PTPRD: variants seen among roughly 807,000 people sequenced by gnomAD.
PTPRD encodes protein tyrosine phosphatase receptor type D, also known as receptor-type tyrosine-protein phosphatase delta.
Under a neutral mutation model 214.5 loss-of-function variants are expected in PTPRD, and 34 were observed. The observed-to-expected ratio is 0.16, with a 90% CI of 0.12 to 0.21. The LOEUF (loss-of-function observed/expected upper bound fraction) is 0.21. Ranked by LOEUF, PTPRD falls within the 10% of genes least tolerant of loss-of-function variation. The probability of loss-of-function intolerance (pLI) is 1.00; values close to 1 mark genes in which losing one functional copy is unlikely to be tolerated. For missense variants in PTPRD, 2,545 were observed against 2,398.7 expected (o/e 1.06, Z -1.27); for synonymous variants, 1,128 against 845.7 (o/e 1.33, Z -5.79).
At chr9:9,710,599 A>T (rs2097707350) in intron 7 of PTPRD, among the ~76,000 whole-genome samples, 1 of 150,602 alleles carries the variant, frequency 6.6e-6, no homozygotes, top group Non-Finnish European at 1.5e-5. Flanking sequence ...AATATCATCT[A>T]TTCTGTTTTT....
At chr9:9,658,497 T>C (rs1006806374) in intron 7 of PTPRD, among the ~76,000 whole-genome samples, 1 of 152,156 alleles carries the variant, frequency 6.6e-6, no homozygotes, top group Admixed American at 6.5e-5. Context: ...GAATGACATG[T>C]AGTAGGAGTT....
At chr9:10,149,666 T>C (rs550228699) in intron 3 of PTPRD, among the ~76,000 whole-genome samples, 12 of 152,286 alleles carry the variant, frequency 7.9e-5, no homozygotes, top group South Asian at 4.1e-4. Context: ...CAGCTCATTA[T>C]TGATTATCTA....
chr9:9,028,584 C>T (rs1397919448), intron 10 of PTPRD, among the ~76,000 whole-genome samples: 2 of 152,020 alleles, frequency 1.3e-5, no homozygotes, highest in East Asian at 1.9e-4. Flanking sequence ...CCTATAGTAA[C>T]TCCATTTTCT....
intron 2 of PTPRD, among the ~76,000 whole-genome samples, chr9:10,390,687 G>A (rs528063573): frequency 1.3e-5 from 2 of 151,740 alleles, no homozygotes; most frequent in East Asian, 3.9e-4. Context: ...GGGGAAATAA[G>A]TGCAAGAAAG....
intron 7 of PTPRD, among the ~76,000 whole-genome samples, chr9:9,615,563 G>C (rs2094810578): frequency 6.6e-6 from 1 of 152,072 alleles, no homozygotes; most frequent in African/African-American, 2.4e-5. Context: ...TAGTTTGTTT[G>C]TTTGTTTGTT....
chr9:9,972,766 T>A (rs955475526), intron 4 of PTPRD, among the ~76,000 whole-genome samples: 1 of 152,134 alleles, frequency 6.6e-6, no homozygotes, highest in Admixed American at 6.5e-5. Flanking sequence ...CCTTGTCTTG[T>A]GGCTTACGGG....
chr9:9,350,719 A>G (rs2138142078), intron 9 of PTPRD, among the ~76,000 whole-genome samples: 1 of 152,242 alleles, frequency 6.6e-6, no homozygotes, highest in African/African-American at 2.4e-5. Context: ...TTTAAATATG[A>G]AATTGAAAAT....
At chr9:9,603,788 T>C (rs1351173162) in intron 7 of PTPRD, among the ~76,000 whole-genome samples, 1 of 152,162 alleles carries the variant, frequency 6.6e-6, no homozygotes, top group African/African-American at 2.4e-5. Flanking sequence ...ATCACTGCTA[T>C]AAAGTATATA....
chr9:10,455,625 T>C (rs757753586), intron 2 of PTPRD, among the ~76,000 whole-genome samples: 25 of 151,866 alleles, frequency 1.6e-4, no homozygotes, highest in Middle Eastern at 3.4e-3. Context: ...CTTTTGTCTC[T>C]CCCATTCGTC....
chr9:9,032,582 A>G (rs1227863207), intron 10 of PTPRD, among the ~76,000 whole-genome samples: 1 of 150,016 alleles, frequency 6.7e-6, no homozygotes, highest in Non-Finnish European at 1.5e-5. Context: ...TCATGCTCTG[A>G]AAAGATGCAT....
At chr9:8,890,661 T>G (rs1047422496) in intron 11 of PTPRD, among the ~76,000 whole-genome samples, 1 of 152,258 alleles carries the variant, frequency 6.6e-6, no homozygotes, top group Non-Finnish European at 1.5e-5. Flanking sequence ...ACAAATTTTC[T>G]TCCTATTTTG....
chr9:9,648,595 T>A (rs9299096), intron 7 of PTPRD, among the ~76,000 whole-genome samples: 2,136 of 152,274 alleles, frequency 0.014, 44 homozygotes, highest in African/African-American at 0.049. Context: ...TAATCTCATG[T>A]GGGTGGTGAT....
At chr9:10,153,229 C>A (rs753408038) in intron 3 of PTPRD, among the ~76,000 whole-genome samples, 21 of 151,974 alleles carry the variant, frequency 1.4e-4, no homozygotes, top group Non-Finnish European at 2.8e-4. Flanking sequence ...TTTAATTATA[C>A]TGTAATGTGT....
intron 7 of PTPRD, among the ~76,000 whole-genome samples, chr9:9,716,882 T>C (rs1421122827): frequency 2.6e-5 from 4 of 152,136 alleles, no homozygotes; most frequent in Non-Finnish European, 5.9e-5. Context: ...ATTTTGGCTT[T>C]TGTTGCCATT....
intron 2 of PTPRD, among the ~76,000 whole-genome samples, chr9:10,413,835 G>C (rs983013423): frequency 6.6e-6 from 1 of 151,802 alleles, no homozygotes; most frequent in Non-Finnish European, 1.5e-5. Flanking sequence ...CCTCAACAAA[G>C]CTGACAAAAA....
intron 5 of PTPRD, among the ~76,000 whole-genome samples, chr9:9,789,324 C>A (rs1047135256): frequency 6.6e-6 from 1 of 152,110 alleles, no homozygotes; most frequent in Admixed American, 6.6e-5. Flanking sequence ...ATTTTCAGTG[C>A]GTAACTATTC....
chr9:9,235,869 G>C (rs914418067), intron 9 of PTPRD, among the ~76,000 whole-genome samples: 22 of 152,074 alleles, frequency 1.4e-4, no homozygotes, highest in Admixed American at 1.4e-3. Context: ...TTTTGTTGTT[G>C]TTGTTTGGCC....
Position 8,518,176 on chromosome 9 carries a change from G to A in PTPRD, c.1215C>T (p.Ser405=), listed in dbSNP as rs1239819762. ...AVNNIGRGPP[S]EPVLTQTSEQ... ...CTGAGGTTTGTGTTAGCACAGGTTC[G>A]CTGGGAGGCCCCCGCCCAATGTTAT... Residue 405 remains serine (S), a synonymous_variant, in exon 21 of 46, where the codon AGC becomes AGT. Coordinates refer to ENST00000381196, the MANE Select transcript of PTPRD (RefSeq NM_002839.4). 7.4e-6 allele frequency: 12 copies of A among 1,614,032 alleles called. No individual in the cohort carries two copies. The highest frequency in any genetic ancestry group is 5.0e-5 in the Admixed American group (3 of 60,008).
intron 10 of PTPRD, among the ~76,000 whole-genome samples, chr9:9,105,262 C>A (rs1377437681): frequency 6.6e-6 from 1 of 152,118 alleles, no homozygotes; most frequent in Admixed American, 6.6e-5. Flanking sequence ...CTCTTCAGTG[C>A]CAACTCAGCA....
Sources: allele counts gnomAD v4.1 joint callset (sites outside exome capture counted in the v4.1 genomes callset), GRCh38; gene constraint gnomAD v4.1.1; transcripts MANE v1.5; gene names NCBI Gene and HGNC (gene_info 2026-07-23, HGNC 2026-07-21).